Variants in HOXB3 observed in about 807,000 individuals in gnomAD.
HOXB3 encodes the protein homeobox B3.
A neutral mutation model predicts 29.2 loss-of-function variants in HOXB3; 17 were observed. That is an observed-to-expected ratio of 0.58 (90% CI 0.40 to 0.87). HOXB3 has a LOEUF of 0.87. Among genes scored for constraint, HOXB3 ranks in the 40% least tolerant of loss-of-function variants. HOXB3 has a pLI of 0.00. For synonymous variants in HOXB3, 317 were observed against 285.9 expected (o/e 1.11, Z -1.10); for missense variants, 637 against 616.3 (o/e 1.03, Z -0.35).
At chr17:48,576,637 G>T in intron 1 of HOXB3, 1 of 1,058,842 alleles carries the variant, frequency 9.4e-7, no homozygotes, top group Non-Finnish European at 1.3e-6. Flanking sequence ...CCAGGCCCCA[G>T]GGCCCCCTCC....
chr17:48,568,777 A>T (rs1217934920), intron 2 of HOXB3, among the ~76,000 whole-genome samples: 2 of 152,150 alleles, frequency 1.3e-5, no homozygotes, highest in Non-Finnish European at 2.9e-5. Context: ...AGAGAGAGAG[A>T]GAAAAGAAGA....
chr17:48,564,349 T>TCAACCCGCAG (rs2069309561), intron 2 of HOXB3, among the ~76,000 whole-genome samples: 1 of 151,766 alleles, frequency 6.6e-6, no homozygotes, highest in South Asian at 2.1e-4. Context: ...TCCTAGTCGC[T>TCAACCCGCAG]CAACCCGCAG....
At chr17:48,579,225 A>C (rs927887437) in intron 1 of HOXB3, 4 of 152,258 alleles carry the variant, frequency 2.6e-5, no homozygotes, top group East Asian at 1.9e-4. Flanking sequence ...GGGTAAAAAA[A>C]CCTGCAACTT....
chr17:48,570,174 G>C (rs2069537066), intron 2 of HOXB3, among the ~76,000 whole-genome samples: 1 of 152,188 alleles, frequency 6.6e-6, no homozygotes. Context: ...AATGGAGGCT[G>C]ATCAGTGGGA....
chr17:48,570,669 G>A (rs1229918226), intron 2 of HOXB3, among the ~76,000 whole-genome samples: 1 of 152,208 alleles, frequency 6.6e-6, no homozygotes, highest in Non-Finnish European at 1.5e-5. Flanking sequence ...TCCAGCTACA[G>A]TGGCAGCTGC....
chr17:48,585,516 G>A (rs2070030550), intron 1 of HOXB3, among the ~76,000 whole-genome samples: 1 of 152,222 alleles, frequency 6.6e-6, no homozygotes, highest in Non-Finnish European at 1.5e-5. Flanking sequence ...CCCCAGCCTG[G>A]CTGTGAACTT....
chr17:48,572,040 GGGTGGCTGCTGGTGT>G (rs1337661325), intron 2 of HOXB3, among the ~76,000 whole-genome samples: 1 of 152,200 alleles, frequency 6.6e-6, no homozygotes, highest in African/African-American at 2.4e-5. Flanking sequence ...CTCCCTAAGA[GGGTGGCTGCTGGTGT>G]GGATTTTTAA....
chr17:48,573,821 G>T lies in HOXB3; in HGVS notation c.-247+16C>A. On this transcript the variant is annotated intron_variant, in intron 2 of 4. Coordinates refer to ENST00000498678, the MANE Select transcript of HOXB3 (RefSeq NM_001384749.1). ...AAACGATCAAAACACGCCAGCCCGG[G>T]CCCGGGCTTTGTTACCTTTGCGCCT... 1.4e-6 allele frequency: 1 copy of T among 702,050 alleles called. No individual in the cohort carries two copies. Among genetic ancestry groups the T allele is most frequent in the South Asian group, 1.5e-5 (1 of 67,518 alleles). 43.5% of individuals were successfully genotyped at this position (702,050 alleles called of 1,614,324 possible). A position where few individuals can be genotyped will look rare whatever the true frequency, so the allele number is the denominator to read the frequency against.
intron 2 of HOXB3, among the ~76,000 whole-genome samples, chr17:48,558,004 A>G (rs937702649): frequency 1.3e-5 from 2 of 152,088 alleles, no homozygotes; most frequent in Non-Finnish European, 2.9e-5. Context: ...AGGCTTAAAG[A>G]AACCAGTACC....
intron 2 of HOXB3, among the ~76,000 whole-genome samples, chr17:48,573,507 T>A (rs946109112): frequency 2.0e-5 from 3 of 152,290 alleles, no homozygotes; most frequent in Non-Finnish European, 2.9e-5. Flanking sequence ...TGGGGCTCGC[T>A]GTGCCTGCCT....
chr17:48,576,760 G>A (rs753938234), intron 1 of HOXB3: 14 of 1,613,548 alleles, frequency 8.7e-6, no homozygotes, highest in Non-Finnish European at 1.1e-5. Context: ...CGGCCAGGGG[G>A]CCCTCCGGCT....
intron 1 of HOXB3, among the ~76,000 whole-genome samples, chr17:48,589,137 C>A (rs1460529594): frequency 1.3e-5 from 2 of 152,140 alleles, no homozygotes; most frequent in Non-Finnish European, 1.5e-5. Flanking sequence ...ATCCTGAAGT[C>A]TCTCTGGTTT....
Position 48,551,144 on chromosome 17 carries a change from G to T in HOXB3, c.486C>A (p.Gly162=). The change falls in exon 5 of 5, where the codon GGC becomes GGA. Residue 162 remains glycine, a synonymous_variant. Coordinates refer to ENST00000498678, the MANE Select transcript of HOXB3 (RefSeq NM_001384749.1). ...CGCCCCCGCTGCCACCACTGCCTCC[G>T]CCGCCGCCGCCACCGCCGCCGCCAC... ...GCGGGGGGGG[G]GGSGGSGGGG... is the part of the protein sequence containing the mutation. 1 of 1,288,390 alleles carries T rather than the reference G, an allele frequency of 7.8e-7. No homozygotes were observed. Among genetic ancestry groups the T allele is most frequent in the Non-Finnish European group, 9.8e-7 (1 of 1,017,344 alleles). 79.8% of individuals were successfully genotyped at this position (1,288,390 alleles called of 1,614,324 possible).
intron 1 of HOXB3, chr17:48,581,030 CTGAGAAA>C (rs1264365255): frequency 1.3e-5 from 2 of 152,178 alleles, no homozygotes; most frequent in African/African-American, 4.8e-5. Flanking sequence ...CTCCCTAGGT[CTGAGAAA>C]TACTTGCATC....
chr17:48,580,108 TCTC>T, intron 1 of HOXB3: 1 of 336,374 alleles, frequency 3.0e-6, no homozygotes, highest in Middle Eastern at 4.1e-4. Flanking sequence ...GGTTTTCAAT[TCTC>T]CTCTTCTATT....
In HOXB3 at chr17:48,554,867, G is replaced by A. The variant is rs1049573305; in HGVS notation, c.-159+664C>T. On this transcript the variant is annotated intron_variant, in intron 3 of 4. Coordinates refer to ENST00000498678, the MANE Select transcript of HOXB3 (RefSeq NM_001384749.1). The surrounding 1 kb of genome is among the most constrained non-coding windows in gnomAD (Gnocchi z 4.1). ...TGGCGGACGGGACAGTGGGAAGAGA[G>A]AAAGGTGCTAAGGGGACCCAAGATC... The A allele has an allele frequency of 1.4e-6, 1 of 701,936 alleles. No homozygotes were observed. The highest frequency in any genetic ancestry group is 2.6e-6 in the Non-Finnish European group (1 of 384,658). 43.5% of individuals were successfully genotyped at this position (701,936 alleles called of 1,614,324 possible).
chr17:48,580,891 A>G (rs1179787285), intron 1 of HOXB3: 1 of 152,170 alleles, frequency 6.6e-6, no homozygotes, highest in African/African-American at 2.4e-5. Flanking sequence ...AAGCTCCCAG[A>G]AGCCGTGAAT....
rs1019439747 is a variant in HOXB3, at chr17:48,549,290, A to G, written c.*1044T>C. The G allele has an allele frequency of 6.6e-6, 1 of 152,628 alleles. No individual in the cohort carries two copies. The highest frequency in any genetic ancestry group is 1.5e-5 in the Non-Finnish European group (1 of 68,038). The allele number at this position is 152,628 out of a possible 1,614,324, so 9.5% of individuals were successfully genotyped here. On this transcript the variant is annotated 3_prime_UTR_variant, in exon 5 of 5. Coordinates refer to ENST00000498678, the MANE Select transcript of HOXB3 (RefSeq NM_001384749.1). ...CCAATAAATATATATGAAAATGTTC[A>G]CTAGAACACACGCTTTTTTGAGCAA...
At chr17:48,555,402 C>T in intron 3 of HOXB3, 129 bp downstream of exon 3, 1 of 628,426 alleles carries the variant, frequency 1.6e-6, no homozygotes, top group Non-Finnish European at 2.9e-6. Flanking sequence ...GAGAGAGAGT[C>T]GCTGCGTGGA....
Sources: gnomAD v4.1 joint callset for allele counts (sites outside exome capture counted in the v4.1 genomes callset) on GRCh38, gnomAD v4.1.1 for gene constraint, Gnocchi (gnomAD v3.1) non-coding constraint, MANE v1.5 for transcripts, NCBI Gene and HGNC (gene_info 2026-07-23, HGNC 2026-07-21) for gene names.